Variants in SMPD3 observed in about 807,000 individuals in gnomAD.
SMPD3 encodes nSMase-2.
In SMPD3, 21 loss-of-function variants were observed where a neutral mutation model predicts 55.7. The observed-to-expected ratio is 0.38, with a 90% CI of 0.27 to 0.54. The LOEUF (loss-of-function observed/expected upper bound fraction) is 0.54. Ranked by LOEUF, SMPD3 falls within the 20% of genes least tolerant of loss-of-function variation. The probability of loss-of-function intolerance (pLI) is 0.80; values close to 1 mark genes in which losing one functional copy is unlikely to be tolerated. For missense variants in SMPD3, 842 were observed against 899.6 expected, an observed-to-expected ratio of 0.94 and a Z score of 0.82; for synonymous variants, 457 against 404.3, an observed-to-expected ratio of 1.13 and a Z score of -1.56.
chr16:68,361,610 C>CA lies in SMPD3; in HGVS notation c.1858dup (p.Trp620LeufsTer249). 1 of 1,608,140 alleles carries CA rather than the reference C, an allele frequency of 6.2e-7. No individual in the cohort carries two copies. Among genetic ancestry groups the CA allele is most frequent in the Non-Finnish European group, 8.5e-7 (1 of 1,179,922 alleles). ...TGGGCCCTCCTGACTCACGGCCTTC[C>CA]AGTCTGGGCACAGCCCCTCCTCTGC... On this transcript the variant is annotated frameshift_variant, in exon 8 of 9. Coordinates refer to ENST00000219334, the MANE Select transcript of SMPD3 (RefSeq NM_018667.4). LOFTEE classifies it high-confidence loss of function.
chr16:68,442,032 T>C (rs1236261485), intron 1 of SMPD3, among the ~76,000 whole-genome samples: 4 of 152,130 alleles, frequency 2.6e-5, no homozygotes, highest in African/African-American at 7.2e-5. Context: ...TCCCAAAGTG[T>C]TGGGATTATA....
At position 68,372,370 on chromosome 16, in the gene SMPD3, G is replaced by A. The variant is rs912819130; in HGVS notation, c.-189C>T. 10 of 714,350 alleles carry A rather than the reference G, an allele frequency of 1.4e-5. No homozygotes were observed. Among genetic ancestry groups the A allele is most frequent in the African/African-American group, 3.6e-5 (2 of 56,114 alleles). The allele number at this position is 714,350 out of a possible 1,614,324, so 44.3% of individuals were successfully genotyped here. A position where few individuals can be genotyped will look rare whatever the true frequency, so the allele number is the denominator to read the frequency against. On this transcript the variant is annotated 5_prime_UTR_variant, in exon 3 of 9. Coordinates refer to ENST00000219334, the MANE Select transcript of SMPD3 (RefSeq NM_018667.4). ...CATGGTTCACCTCGGTGGGCCATGC[G>A]GAGGCCTACTGCAGACCCTGCAGAG...
In SMPD3 at chr16:68,448,453, G is replaced by A. The variant is rs138389581; in HGVS notation, c.-369C>T. The A allele has an allele frequency of 0.018, 2,746 of 152,366 alleles. 51 individuals carry two copies. Among genetic ancestry groups the A allele is most frequent in the South Asian group, 0.055 (267 of 4,826 alleles). 9.4% of individuals were successfully genotyped at this position (152,366 alleles called of 1,614,324 possible). On this transcript the variant is annotated 5_prime_UTR_variant, in exon 1 of 9. Transcript: ENST00000219334. Reference sequence around the variant, plus strand: ...CCCGGCCGCAGATCTGGCGGCGGCCGCAGCGGCGGCGGCTCTCGCGGCTCT... The same window carrying A: ...CCCGGCCGCAGATCTGGCGGCGGCCACAGCGGCGGCGGCTCTCGCGGCTCT...
Position 68,363,767 on chromosome 16 carries a change from C to T in SMPD3, c.1645+10G>A, listed in dbSNP as rs2089390233. On this transcript the variant is annotated intron_variant, in intron 6 of 8. Transcript: ENST00000219334. Reference sequence around the variant, plus strand: ...CCAGCTCCCATCCTCCTCCCCCAGCCCCAGCTCACCGATGGCCCACGGCTT... The same window carrying T: ...CCAGCTCCCATCCTCCTCCCCCAGCTCCAGCTCACCGATGGCCCACGGCTT... The T allele has an allele frequency of 6.4e-7, 1 of 1,557,638 alleles. No homozygotes were observed. Among genetic ancestry groups the T allele is most frequent in the Non-Finnish European group, 8.7e-7 (1 of 1,151,488 alleles).
intron 1 of SMPD3, among the ~76,000 whole-genome samples, chr16:68,416,293 C>T (rs1020459979): frequency 2.6e-5 from 4 of 152,178 alleles, no homozygotes; most frequent in African/African-American, 7.2e-5. Flanking sequence ...CTCTAGGCCT[C>T]GCCCTCTTCC....
Position 68,360,693 on chromosome 16 carries a change from G to A in SMPD3, c.*513C>T, listed in dbSNP as rs865993502. On this transcript the variant is annotated 3_prime_UTR_variant, in exon 9 of 9. Coordinates refer to ENST00000219334, the MANE Select transcript of SMPD3 (RefSeq NM_018667.4). ...TGGAGGCGGGAGAGCTGGTGGCCGTGCCCAGGAAGTGCTTCTTTGGCTGGT... is the reference window on the plus strand; with the variant it reads ...TGGAGGCGGGAGAGCTGGTGGCCGTACCCAGGAAGTGCTTCTTTGGCTGGT... 1.3e-5 allele frequency: 2 copies of A among 156,606 alleles called. No homozygotes were observed. Among genetic ancestry groups the A allele is most frequent in the Non-Finnish European group, 2.8e-5 (2 of 70,524 alleles). The allele number at this position is 156,606 out of a possible 1,614,324, so 9.7% of individuals were successfully genotyped here. A position where few individuals can be genotyped will look rare whatever the true frequency, so the allele number is the denominator to read the frequency against.
intron 1 of SMPD3, among the ~76,000 whole-genome samples, chr16:68,420,011 G>A (rs150131207): frequency 6.9e-6 from 1 of 145,852 alleles, no homozygotes; most frequent in African/African-American, 2.5e-5. Context: ...AAGAGATAGT[G>A]TCTTTCTTGT....
In SMPD3 at chr16:68,404,390, A is replaced by G. The variant is rs1362593245; in HGVS notation, c.-268-17731T>C. On this transcript the variant is annotated intron_variant, in intron 1 of 8. Coordinates refer to ENST00000219334, the MANE Select transcript of SMPD3 (RefSeq NM_018667.4). This position sits in a 1 kb window ranked among gnomAD's most constrained non-coding sequence, Gnocchi z 4.0. Reference sequence around the variant, plus strand: ...GCTGAGATTACAGGCGTGAGCCACCATGACAGGGTTTCATCGTGTTGCCCA... The same window carrying G: ...GCTGAGATTACAGGCGTGAGCCACCGTGACAGGGTTTCATCGTGTTGCCCA... Among the ~76,000 whole-genome samples, 1 of 152,038 alleles carries G rather than the reference A, an allele frequency of 6.6e-6. No individual in the cohort carries two copies. The highest frequency in any genetic ancestry group is 2.4e-5 in the African/African-American group (1 of 41,394).
chr16:68,381,797 T>A (rs954506828), intron 2 of SMPD3, among the ~76,000 whole-genome samples: 2 of 152,224 alleles, frequency 1.3e-5, no homozygotes, highest in Non-Finnish European at 2.9e-5. Context: ...CATCCCATCC[T>A]GACCAATAGA....
At chr16:68,435,536 G>T (rs745782651) in intron 1 of SMPD3, among the ~76,000 whole-genome samples, 4 of 151,788 alleles carry the variant, frequency 2.6e-5, no homozygotes, top group East Asian at 3.9e-4. Flanking sequence ...TAACACAGAG[G>T]TGCCAGTTCT....
intron 1 of SMPD3, among the ~76,000 whole-genome samples, chr16:68,395,391 G>C (rs1290343153): frequency 6.6e-6 from 1 of 152,176 alleles, no homozygotes; most frequent in African/African-American, 2.4e-5. Context: ...TTGGTGTATG[G>C]GTGGTTACCA....
chr16:68,424,145 C>G (rs1305620555), intron 1 of SMPD3, among the ~76,000 whole-genome samples: 2 of 149,832 alleles, frequency 1.3e-5, no homozygotes, highest in Non-Finnish European at 3.0e-5. Flanking sequence ...GCTAAGCCTG[C>G]CCTGGTCACT....
At position 68,417,820 on chromosome 16, in the gene SMPD3, T is replaced by G. The variant is rs573161748; in HGVS notation, c.-269+30533A>C. On this transcript the variant is annotated intron_variant, in intron 1 of 8. Coordinates refer to ENST00000219334, the MANE Select transcript of SMPD3 (RefSeq NM_018667.4). ...TGCGTGGAATGAAGTAGGGTATAAA[T>G]GAGTAAACACATACATACAGCCATG... Among the ~76,000 whole-genome samples, 9 of 152,336 alleles carry G rather than the reference T, an allele frequency of 5.9e-5. No homozygotes were observed. The East Asian group carries it at 1.4e-3, about 23-fold the overall frequency.
At chr16:68,361,553 G>T (rs922917385) in intron 8 of SMPD3, 50 bp downstream of exon 8, 3 of 1,596,212 alleles carry the variant, frequency 1.9e-6, no homozygotes, top group Non-Finnish European at 2.6e-6. Flanking sequence ...CAGGGCCCGG[G>T]CCCTGCTCTC....
Position 68,371,068 on chromosome 16 carries a change from T to C in SMPD3, c.1114A>G (p.Thr372Ala), listed in dbSNP as rs2151982715. Reference sequence around the variant, plus strand: ...CCGTGCAGCTGCTCTTTCAATTTGGTGGCTGCTCGCTTGTCAAACACCTCC... The same window carrying C: ...CCGTGCAGCTGCTCTTTCAATTTGGCGGCTGCTCGCTTGTCAAACACCTCC... ...LQEVFDKRAA[T>A]KLKEQLHGYF... Residue 372 changes from threonine to alanine, a missense_variant, in exon 3 of 9, where the codon ACC (threonine) becomes GCC (alanine). By Grantham distance (58) the Thr-to-Ala change is moderately conservative (BLOSUM62 0). This residue lies in a region of SMPD3 where 649 missense variants were observed against 643.6 expected (regional missense o/e 1.01). Coordinates refer to ENST00000219334, the MANE Select transcript of SMPD3 (RefSeq NM_018667.4). 1.9e-6 allele frequency: 3 copies of C among 1,614,202 alleles called. No homozygotes were observed. The highest frequency in any genetic ancestry group is 2.5e-6 in the Non-Finnish European group (3 of 1,180,038).
intron 1 of SMPD3, among the ~76,000 whole-genome samples, chr16:68,443,464 A>G (rs1454085544): frequency 6.6e-6 from 1 of 152,198 alleles, no homozygotes; most frequent in Admixed American, 6.5e-5. Context: ...CTTTGGCTGT[A>G]TGTGTACTCT....
intron 1 of SMPD3, among the ~76,000 whole-genome samples, chr16:68,401,650 G>C (rs140587473): frequency 2.9e-3 from 437 of 152,228 alleles, no homozygotes; most frequent in Non-Finnish European, 4.7e-3. Context: ...CTGGTTCCAG[G>C]AACTTCAATC....
intron 8 of SMPD3, 37 bp downstream of exon 8, chr16:68,361,566 T>C: frequency 1.2e-6 from 2 of 1,600,956 alleles, no homozygotes; most frequent in Non-Finnish European, 1.7e-6. Context: ...CTGCTCTCTC[T>C]TTGCATGGCC....
In SMPD3 at chr16:68,361,604, G is replaced by A; in HGVS notation, c.1865C>T (p.Ala622Val). 6.2e-7 allele frequency: 1 copy of A among 1,607,166 alleles called. No homozygotes were observed. Among genetic ancestry groups the A allele is most frequent in the Non-Finnish European group, 8.5e-7 (1 of 1,179,914 alleles). Residue 622 changes from alanine (A) to valine (V), a missense_variant and splice_region_variant, in exon 8 of 9, where the codon GCC (alanine) becomes GTC (valine). Transcript: ENST00000219334. ...GGCTGCTGGGCCCTCCTGACTCACG[G>A]CCTTCCAGTCTGGGCACAGCCCCTC... Reference protein sequence around the residue: ...AEEGLCPDWKAEVEEFSFITQ... With the variant: ...AEEGLCPDWKVEVEEFSFITQ...
Sources: allele counts gnomAD v4.1 joint callset (sites outside exome capture counted in the v4.1 genomes callset), GRCh38; gene constraint gnomAD v4.1.1; regional missense constraint gnomAD v4.1.1; non-coding constraint Gnocchi (gnomAD v3.1); transcripts MANE v1.5; gene names NCBI Gene and HGNC (gene_info 2026-07-23, HGNC 2026-07-21).